OPRD1: variants seen among roughly 807,000 people sequenced by gnomAD.
The protein encoded by OPRD1 is opioid receptor delta 1.
In OPRD1, 19 loss-of-function variants were observed where a neutral mutation model predicts 17.5. The observed-to-expected ratio is 1.09, with a 90% CI of 0.76 to 1.60. OPRD1 has a LOEUF of 1.60. Ranked by LOEUF, OPRD1 falls within the 40% of genes most tolerant of loss-of-function variation. OPRD1 has a pLI of 0.00. For missense variants in OPRD1, 483 were observed against 547.2 expected (o/e 0.88, Z 1.17); for synonymous variants, 256 against 240.9 (o/e 1.06, Z -0.58).
At chr1:28,826,866 C>G (rs1469534333) in intron 1 of OPRD1, among the ~76,000 whole-genome samples, 1 of 152,208 alleles carries the variant, frequency 6.6e-6, no homozygotes, top group Non-Finnish European at 1.5e-5. Context: ...AACAGTAGAA[C>G]TTTCAAAATT....
At chr1:28,829,230 G>T (rs1214529999) in intron 1 of OPRD1, among the ~76,000 whole-genome samples, 2 of 152,070 alleles carry the variant, frequency 1.3e-5, no homozygotes, top group Admixed American at 1.3e-4. Context: ...ACCTCTTTCA[G>T]CCTTCTTAGA....
chr1:28,830,069 A>G (rs2088798258), intron 1 of OPRD1, among the ~76,000 whole-genome samples: 1 of 152,048 alleles, frequency 6.6e-6, no homozygotes, highest in African/African-American at 2.4e-5. Context: ...TAATTTCAAT[A>G]TTGTTGTGTC....
At chr1:28,856,692 G>A (rs1247580656) in intron 1 of OPRD1, among the ~76,000 whole-genome samples, 1 of 152,250 alleles carries the variant, frequency 6.6e-6, no homozygotes, top group Admixed American at 6.5e-5. Flanking sequence ...AGGCCCTGGT[G>A]CAGAAGGGGC....
At chr1:28,819,772 C>T (rs2088697016) in intron 1 of OPRD1, among the ~76,000 whole-genome samples, 2 of 152,032 alleles carry the variant, frequency 1.3e-5, no homozygotes, top group South Asian at 4.2e-4. Flanking sequence ...GGAATGGAGG[C>T]GAGTGCTGGG....
intron 2 of OPRD1, among the ~76,000 whole-genome samples, chr1:28,860,383 A>G (rs963660012): frequency 3.3e-5 from 5 of 151,468 alleles, no homozygotes; most frequent in Non-Finnish European, 1.5e-5. Context: ...AAAAAAATTT[A>G]TGGCCCATTT....
rs797405 is a variant in OPRD1, at chr1:28,847,043, T to G, written c.228-11911T>G. Among the ~76,000 whole-genome samples the G allele has an allele frequency of 1.4e-3, 87 of 61,890 alleles. 2 individuals carry two copies. In the East Asian group the frequency reaches 0.046, roughly 33 times the overall value. 40.6% of individuals were successfully genotyped at this position (61,890 alleles called of 152,430 possible). A position where few individuals can be genotyped will look rare whatever the true frequency, so the allele number is the denominator to read the frequency against. On this transcript the variant is annotated intron_variant, in intron 1 of 2. Transcript: ENST00000234961. ...TGTCCCCTTTCCTGTCCCCTTTCCT[T>G]TCCCCTTTCCTGTCCCCTTTCCTTT...
chr1:28,834,774 A>T (rs2088836537), intron 1 of OPRD1, among the ~76,000 whole-genome samples: 1 of 152,182 alleles, frequency 6.6e-6, no homozygotes, highest in Admixed American at 6.5e-5. Flanking sequence ...ACTACGAGAC[A>T]AGAGGGCAGT....
intron 1 of OPRD1, among the ~76,000 whole-genome samples, chr1:28,816,076 T>C (rs1308987799): frequency 2.0e-5 from 3 of 152,144 alleles, no homozygotes; most frequent in African/African-American, 7.2e-5. Flanking sequence ...CTAAGCTCTT[T>C]GAGAACATGA....
chr1:28,825,768 G>T (rs903372926), intron 1 of OPRD1, among the ~76,000 whole-genome samples: 2 of 152,224 alleles, frequency 1.3e-5, no homozygotes. Flanking sequence ...AGGTTCCCTG[G>T]GACAAGGCCA....
intron 1 of OPRD1, among the ~76,000 whole-genome samples, chr1:28,839,999 C>T (rs2088882933): frequency 6.6e-6 from 1 of 152,318 alleles, no homozygotes; most frequent in African/African-American, 2.4e-5. Flanking sequence ...GGCACCCTGG[C>T]ACCTGCACTC....
chr1:28,844,866 T>C lies in OPRD1; in HGVS notation c.228-14088T>C, dbSNP rs190169024. On this transcript the variant is annotated intron_variant, in intron 1 of 2. Transcript: ENST00000234961. ...TTCAAGCGATTCTTGTGCCTCAGTC[T>C]CCCGAGTAGCTGGGATTACAGGTGT... is the stretch of plus-strand genomic sequence containing the variant. Among the ~76,000 whole-genome samples, 657 of 152,058 alleles carry C rather than the reference T, an allele frequency of 4.3e-3. 5 individuals carry two copies. Among genetic ancestry groups the C allele is most frequent in the African/African-American group, 0.015 (641 of 41,504 alleles).
intron 1 of OPRD1, among the ~76,000 whole-genome samples, chr1:28,824,340 CG>C (rs1442117959): frequency 3.2e-5 from 4 of 123,692 alleles, no homozygotes; most frequent in Admixed American, 1.0e-4. Flanking sequence ...TTTGAGATGG[CG>C]TCTGGCTCTG....
chr1:28,824,207 A>G (rs1171490295), intron 1 of OPRD1, among the ~76,000 whole-genome samples: 3 of 150,246 alleles, frequency 2.0e-5, no homozygotes, highest in Non-Finnish European at 4.4e-5. Context: ...AGCCCCATTC[A>G]AAGAACACCA....
chr1:28,815,761 A>G (rs2088667810), intron 1 of OPRD1, among the ~76,000 whole-genome samples: 1 of 152,154 alleles, frequency 6.6e-6, no homozygotes, highest in Admixed American at 6.5e-5. Flanking sequence ...GGTTGAGTGA[A>G]TGAGTGGTTG....
intron 1 of OPRD1, among the ~76,000 whole-genome samples, chr1:28,831,944 C>A (rs2088811389): frequency 6.6e-6 from 1 of 152,170 alleles, no homozygotes; most frequent in Admixed American, 6.5e-5. Context: ...GAGTTTAGTA[C>A]CATGTTTCTC....
rs1306845723 is a variant in OPRD1 at position 28,862,812 on chromosome 1, C to T, written c.648C>T (p.Cys216=). ...SWYWDTVTKI[C]VFLFAFVVPI... Reference sequence around the variant, plus strand: ...ACTGGGACACGGTGACCAAGATCTGCGTGTTCCTCTTCGCCTTCGTGGTGC... The same window carrying T: ...ACTGGGACACGGTGACCAAGATCTGTGTGTTCCTCTTCGCCTTCGTGGTGC... The change falls in exon 3 of 3, where the codon TGC becomes TGT. Residue 216 remains cysteine, a synonymous_variant. Transcript: ENST00000234961. The T allele has an allele frequency of 6.2e-6, 10 of 1,613,546 alleles. No individual in the cohort carries two copies. Among genetic ancestry groups the T allele is most frequent in the Non-Finnish European group, 8.5e-6 (10 of 1,179,984 alleles).
intron 1 of OPRD1, among the ~76,000 whole-genome samples, chr1:28,839,771 C>T (rs1015072427): frequency 2.6e-5 from 4 of 152,216 alleles, no homozygotes; most frequent in Admixed American, 6.5e-5. Context: ...ATTTCCCCCA[C>T]GACCAGCAGA....
At position 28,862,919 on chromosome 1, in the gene OPRD1, A is replaced by G. The variant is rs943842677; in HGVS notation, c.755A>G (p.Lys252Arg). Residue 252 changes from lysine (K) to arginine (R), a missense_variant, in exon 3 of 3, where the codon AAG (lysine) becomes AGG (arginine). Lys to Arg is a conservative substitution (Grantham distance 26). Coordinates refer to ENST00000234961, the MANE Select transcript of OPRD1 (RefSeq NM_000911.4). ...SVRLLSGSKE[K>R]DRSLRRITRM... ...CGCCTGCTGTCGGGCTCCAAGGAGA[A>G]GGACCGCAGCCTGCGGCGCATCACG... is the stretch of plus-strand genomic sequence containing the variant. 6.2e-6 allele frequency: 10 copies of G among 1,612,908 alleles called. No homozygotes were observed. The Admixed American group carries it at 6.7e-5, about 11-fold the overall frequency.
chr1:28,858,792 C>T (rs1424780043), intron 1 of OPRD1, among the ~76,000 whole-genome samples, 162 bp from the exon 2 acceptor site: 4 of 152,116 alleles, frequency 2.6e-5, no homozygotes, highest in Admixed American at 6.6e-5. Context: ...GTGATCCACC[C>T]GCCTTGGCCT....
Sources: allele counts gnomAD v4.1 joint callset (sites outside exome capture counted in the v4.1 genomes callset), GRCh38; gene constraint gnomAD v4.1.1; transcripts MANE v1.5; gene names NCBI Gene and HGNC (gene_info 2026-07-23, HGNC 2026-07-21).